Variants in TP63 observed in about 807,000 individuals in gnomAD.
TP63 encodes tumor protein p63, also known as tumor protein 63.
TP63 carries 17 observed loss-of-function variants against 82.8 expected under a neutral mutation model. The ratio of observed to expected loss-of-function variants is 0.21; its 90% CI spans 0.14 to 0.31. The LOEUF (loss-of-function observed/expected upper bound fraction) is 0.31. Among genes scored for constraint, TP63 ranks in the 10% least tolerant of loss-of-function variants. The pLI is 1.00. For missense variants in TP63, 648 were observed against 895.3 expected (o/e 0.72, Z 3.52); for synonymous variants, 330 against 321.7 (o/e 1.03, Z -0.28).
intron 4 of TP63, among the ~76,000 whole-genome samples, chr3:189,848,887 T>G (rs1715279516): frequency 6.6e-6 from 1 of 152,192 alleles, no homozygotes; most frequent in Non-Finnish European, 1.5e-5. Context: ...CTTTTTTGTA[T>G]GCTAATGCTG....
chr3:189,714,693 T>C lies in TP63; in HGVS notation c.63-23047T>C, dbSNP rs150819042. Among the ~76,000 whole-genome samples, 411 of 152,244 alleles carry C rather than the reference T, an allele frequency of 2.7e-3. 2 individuals carry two copies. The highest frequency in any genetic ancestry group is 9.3e-3 in the African/African-American group (388 of 41,524). On this transcript the variant is annotated intron_variant, in intron 1 of 13. Coordinates refer to ENST00000264731, the MANE Select transcript of TP63 (RefSeq NM_003722.5). ...AAAATTCTCTCAAATATGAGAGGCC[T>C]GGTTTCTCAGGAGGGAGTATTGAAG...
intron 4 of TP63, among the ~76,000 whole-genome samples, chr3:189,831,108 C>A (rs1712264792): frequency 6.6e-6 from 1 of 152,174 alleles, no homozygotes; most frequent in South Asian, 2.1e-4. Context: ...CTGCCAACTT[C>A]CCCTCAAATA....
At chr3:189,626,874 T>C (rs1001219901), upstream of TP63, among the ~76,000 whole-genome samples, 1 of 152,200 alleles carries the variant, frequency 6.6e-6, no homozygotes, top group Non-Finnish European at 1.5e-5. Context: ...TTTCCAACTG[T>C]CTCTTATAGT....
chr3:189,727,384 C>T (rs957136819), intron 1 of TP63, among the ~76,000 whole-genome samples: 12 of 152,084 alleles, frequency 7.9e-5, no homozygotes, highest in African/African-American at 2.9e-4. Flanking sequence ...TAAACCTTTC[C>T]TCAATTTTTA....
At chr3:189,840,357 G>GTTTT (rs1448472305) in intron 4 of TP63, among the ~76,000 whole-genome samples, 1 of 49,946 alleles carries the variant, frequency 2.0e-5, no homozygotes, top group Non-Finnish European at 3.8e-5. Flanking sequence ...TTTGCTTTTC[G>GTTTT]TCTTTTTTTT....
intron 4 of TP63, among the ~76,000 whole-genome samples, chr3:189,819,726 T>C (rs1415386693): frequency 6.6e-6 from 1 of 150,888 alleles, no homozygotes. Flanking sequence ...CAGTACTCAC[T>C]GGTAATGGAT....
intron 4 of TP63, among the ~76,000 whole-genome samples, chr3:189,839,052 A>G (rs1450593472): frequency 1.3e-5 from 2 of 148,418 alleles, no homozygotes; most frequent in Non-Finnish European, 3.0e-5. Context: ...AAAAAAAAAA[A>G]AAAAAAAAAA....
At chr3:189,877,700 C>A (rs1313562221) in intron 10 of TP63, among the ~76,000 whole-genome samples, 1 of 152,128 alleles carries the variant, frequency 6.6e-6, no homozygotes, top group East Asian at 1.9e-4. Context: ...TGGTTCCAGC[C>A]CCTCACACCA....
chr3:189,660,721 G>A (rs748075584), intron 1 of TP63, among the ~76,000 whole-genome samples: 5 of 151,732 alleles, frequency 3.3e-5, no homozygotes, highest in Non-Finnish European at 5.9e-5. Flanking sequence ...TCATTTGTTT[G>A]TGTCATCTAT....
chr3:189,823,948 A>G (rs758950146), intron 4 of TP63, among the ~76,000 whole-genome samples: 5 of 152,152 alleles, frequency 3.3e-5, no homozygotes, highest in Non-Finnish European at 7.4e-5. Flanking sequence ...GTTCAGTGAG[A>G]TAACTCTTAT....
chr3:189,874,078 T>A (rs1360642714), intron 10 of TP63, among the ~76,000 whole-genome samples: 1 of 151,932 alleles, frequency 6.6e-6, no homozygotes, highest in Admixed American at 6.6e-5. Context: ...GGCTTATGAT[T>A]ATTATTATTA....
chr3:189,613,927 TCTAGGAAGTAA>T, the TP63 span, among the ~76,000 whole-genome samples: 1 of 152,220 alleles, frequency 6.6e-6, no homozygotes, highest in African/African-American at 2.4e-5. Context: ...TCCCATTGCA[TCTAGGAAGTAA>T]CTAGCTTGTT....
chr3:189,736,344 T>C (rs1185609428), intron 1 of TP63, among the ~76,000 whole-genome samples: 2 of 152,028 alleles, frequency 1.3e-5, no homozygotes, highest in Admixed American at 6.6e-5. Flanking sequence ...ACAGAGATGC[T>C]TGTGATTTTC....
chr3:189,702,641 T>C (rs1008705216), intron 1 of TP63, among the ~76,000 whole-genome samples: 5 of 152,170 alleles, frequency 3.3e-5, no homozygotes, highest in African/African-American at 1.2e-4. Flanking sequence ...AAAGTTGAGG[T>C]TGAGCATCGC....
chr3:189,656,290 A>T (rs1166497397), intron 1 of TP63, among the ~76,000 whole-genome samples: 1 of 152,158 alleles, frequency 6.6e-6, no homozygotes, highest in Non-Finnish European at 1.5e-5. Context: ...TGTTATTTGG[A>T]GACAGACTTA....
At chr3:189,851,974 A>G (rs575952908) in intron 4 of TP63, among the ~76,000 whole-genome samples, 4 of 152,198 alleles carry the variant, frequency 2.6e-5, no homozygotes, top group Non-Finnish European at 4.4e-5. Context: ...AGGGCTAAGT[A>G]GGAAACAGGG....
At chr3:189,736,815 T>A (rs1219262733) in intron 1 of TP63, among the ~76,000 whole-genome samples, 1 of 152,078 alleles carries the variant, frequency 6.6e-6, no homozygotes, top group Non-Finnish European at 1.5e-5. Context: ...TCATACAGTA[T>A]TTTTCTAATT....
At chr3:189,725,916 G>A (rs1024060507) in intron 1 of TP63, among the ~76,000 whole-genome samples, 3 of 152,138 alleles carry the variant, frequency 2.0e-5, no homozygotes, top group Admixed American at 1.3e-4. Flanking sequence ...TCAGCTGGGC[G>A]TGCTGGCACG....
At chr3:189,716,786 T>C (rs2108762513) in intron 1 of TP63, among the ~76,000 whole-genome samples, 1 of 152,278 alleles carries the variant, frequency 6.6e-6, no homozygotes, top group East Asian at 1.9e-4. Flanking sequence ...GGAAGAGCTA[T>C]CAGAATCTCT....
Sources: allele counts gnomAD v4.1 joint callset (sites outside exome capture counted in the v4.1 genomes callset), GRCh38; gene constraint gnomAD v4.1.1; transcripts MANE v1.5; gene names NCBI Gene and HGNC (gene_info 2026-07-23, HGNC 2026-07-21).